DLGAP2: variants seen among roughly 807,000 people sequenced by gnomAD.
The protein encoded by DLGAP2 is DLG associated protein 2, also known as disks large-associated protein 2.
Under a neutral mutation model 100.3 loss-of-function variants are expected in DLGAP2, and 26 were observed. The ratio of observed to expected loss-of-function variants is 0.26; its 90% CI spans 0.19 to 0.36. DLGAP2 has a LOEUF of 0.36. DLGAP2 is among the 10% of genes least tolerant of loss of function. The pLI is 1.00. For missense variants in DLGAP2, 1,858 were observed against 1,453.2 expected, an observed-to-expected ratio of 1.28 and a Z score of -4.53; for synonymous variants, 886 against 630.1, an observed-to-expected ratio of 1.41 and a Z score of -6.08.
intron 3 of DLGAP2, among the ~76,000 whole-genome samples, chr8:1,421,581 T>C (rs535836546): frequency 6.6e-6 from 1 of 152,362 alleles, no homozygotes; most frequent in African/African-American, 2.4e-5. Context: ...ATGAAAGTTA[T>C]ATTTTCATAT....
In DLGAP2 at chr8:1,586,186, C is replaced by G. The variant is rs1313828956; in HGVS notation, c.1442+20292C>G. Among the ~76,000 whole-genome samples the G allele has an allele frequency of 2.6e-5, 4 of 152,246 alleles. No individual in the cohort carries two copies. The East Asian group carries it at 7.7e-4, about 29-fold the overall frequency. On this transcript the variant is annotated intron_variant, in intron 6 of 14. Transcript: ENST00000637795. ...CAGCCTGCCCTCCTTCCGGGTCTCT[C>G]TGGGCTAAGGCTGAGGTGTCGGCCG...
At chr8:1,436,529 C>T (rs1349433564) in intron 3 of DLGAP2, among the ~76,000 whole-genome samples, 2 of 152,202 alleles carry the variant, frequency 1.3e-5, no homozygotes, top group African/African-American at 2.4e-5. Context: ...ACAGACAACC[C>T]AGGACAATAC....
chr8:1,034,098 C>T (rs1802061817), intron 2 of DLGAP2, among the ~76,000 whole-genome samples: 1 of 57,258 alleles, frequency 1.7e-5, no homozygotes, highest in Non-Finnish European at 3.4e-5. Flanking sequence ...CGCGTGTCAC[C>T]GCGAGGGGAC....
chr8:1,335,535 C>A (rs116566822), intron 3 of DLGAP2, among the ~76,000 whole-genome samples: 1,711 of 152,224 alleles, frequency 0.011, 42 homozygotes, highest in African/African-American at 0.039. Flanking sequence ...GACGTGCCAA[C>A]TGCTAAATGA....
chr8:1,021,837 G>A (rs887626016), intron 2 of DLGAP2, among the ~76,000 whole-genome samples: 2 of 152,092 alleles, frequency 1.3e-5, no homozygotes, highest in African/African-American at 2.4e-5. Context: ...GGCAGGCACC[G>A]TCGGGTTCTG....
At chr8:1,287,138 G>GTGTC (rs1398799320) in intron 3 of DLGAP2, among the ~76,000 whole-genome samples, 2 of 131,750 alleles carry the variant, frequency 1.5e-5, no homozygotes, top group Non-Finnish European at 1.7e-5. Context: ...CAGCGTGTGT[G>GTGTC]TGTGTGTGTG....
chr8:982,723 A>C (rs1468580228), intron 2 of DLGAP2, among the ~76,000 whole-genome samples: 2 of 152,066 alleles, frequency 1.3e-5, no homozygotes, highest in African/African-American at 4.8e-5. Context: ...TGCTGACCTA[A>C]CCAATAAGTC....
At chr8:1,493,350 G>C (rs1474342343) in intron 3 of DLGAP2, among the ~76,000 whole-genome samples, 1 of 151,786 alleles carries the variant, frequency 6.6e-6, no homozygotes, top group Non-Finnish European at 1.5e-5. Context: ...TGGACCCAGC[G>C]TGTAGACATC....
intron 1 of DLGAP2, among the ~76,000 whole-genome samples, chr8:881,666 A>ATGTGTATATATATATATATATAT: frequency 1.5e-5 from 2 of 131,072 alleles, no homozygotes; most frequent in Admixed American, 8.1e-5. Context: ...CTTGTGGCTG[A>ATGTGTATATATATATATATATAT]ACACACACAC....
At chr8:1,434,882 C>A (rs1211727131) in intron 3 of DLGAP2, among the ~76,000 whole-genome samples, 1 of 152,218 alleles carries the variant, frequency 6.6e-6, no homozygotes, top group Non-Finnish European at 1.5e-5. Context: ...TCCATGGTAT[C>A]ATCATCCTTC....
chr8:1,549,793 A>G (rs1801697608), intron 5 of DLGAP2, 110 bp downstream of exon 5: 2 of 1,193,574 alleles, frequency 1.7e-6, no homozygotes. Context: ...AGGTTGTGCA[A>G]CAGGATGTTC....
At chr8:1,413,349 C>G (rs1183656103) in intron 3 of DLGAP2, among the ~76,000 whole-genome samples, 1 of 152,132 alleles carries the variant, frequency 6.6e-6, no homozygotes, top group Non-Finnish European at 1.5e-5. Flanking sequence ...AAATGAATTA[C>G]TATTGTAATA....
chr8:1,431,871 G>A (rs974779520), intron 3 of DLGAP2, among the ~76,000 whole-genome samples: 1 of 152,106 alleles, frequency 6.6e-6, no homozygotes, highest in East Asian at 1.9e-4. Flanking sequence ...CCGGCACCCA[G>A]CACCCCATGC....
At chr8:983,664 A>T (rs1800406238) in intron 2 of DLGAP2, among the ~76,000 whole-genome samples, 1 of 152,150 alleles carries the variant, frequency 6.6e-6, no homozygotes, top group Admixed American at 6.5e-5. Flanking sequence ...AGTTTTTGGG[A>T]TAGGACCTTG....
At chr8:1,186,871 C>A (rs955331389) in intron 2 of DLGAP2, among the ~76,000 whole-genome samples, 1 of 152,156 alleles carries the variant, frequency 6.6e-6, no homozygotes, top group Admixed American at 6.5e-5. Context: ...CACATGCCCC[C>A]ACGTCTGCCC....
chr8:822,902 G>C (rs952804983), intron 1 of DLGAP2, among the ~76,000 whole-genome samples: 9 of 152,202 alleles, frequency 5.9e-5, no homozygotes, highest in Non-Finnish European at 1.3e-4. Flanking sequence ...AGATTGGAGA[G>C]GAGGGTTTTG....
intron 14 of DLGAP2, among the ~76,000 whole-genome samples, chr8:1,700,738 G>A (rs1304587726): frequency 1.3e-5 from 2 of 152,146 alleles, no homozygotes; most frequent in East Asian, 3.9e-4. Context: ...TGGTTTTCAT[G>A]AACATACTGG....
intron 2 of DLGAP2, among the ~76,000 whole-genome samples, chr8:937,328 T>C (rs982118871): frequency 1.3e-5 from 2 of 152,232 alleles, no homozygotes; most frequent in African/African-American, 2.4e-5. Context: ...ACAAGAGTGA[T>C]GTTTTAAGTT....
At chr8:1,550,137 G>A (rs1028692712) in intron 5 of DLGAP2, among the ~76,000 whole-genome samples, 2 of 152,124 alleles carry the variant, frequency 1.3e-5, no homozygotes, top group South Asian at 2.1e-4. Flanking sequence ...TGTGTGCGCC[G>A]GGCTCATCCT....
Sources: gnomAD v4.1 joint callset for allele counts (sites outside exome capture counted in the v4.1 genomes callset) on GRCh38, gnomAD v4.1.1 for gene constraint, MANE v1.5 for transcripts, NCBI Gene and HGNC (gene_info 2026-07-23, HGNC 2026-07-21) for gene names.